KIF22: variants seen among roughly 807,000 people sequenced by gnomAD.
The protein encoded by KIF22 is kinesin-like protein KIF22.
KIF22 carries 62 observed loss-of-function variants against 73.0 expected under a neutral mutation model. The observed-to-expected ratio is 0.85, with a 90% CI of 0.69 to 1.05. The LOEUF (loss-of-function observed/expected upper bound fraction) is 1.05. Ranked by LOEUF, KIF22 falls within the 50% of genes least tolerant of loss-of-function variation. KIF22 has a pLI of 0.00. For missense variants in KIF22, 854 were observed against 870.1 expected (o/e 0.98, Z 0.23); for synonymous variants, 411 against 340.1 (o/e 1.21, Z -2.29).
intron 10 of KIF22, 42 bp from the exon 11 acceptor site, chr16:29,803,956 G>C: frequency 6.6e-7 from 1 of 1,504,460 alleles, no homozygotes; most frequent in Non-Finnish European, 9.3e-7. Flanking sequence ...AGGGTGAAAA[G>C]TACCCTTTGC....
At chr16:29,796,268 C>A (rs1199555756) in intron 1 of KIF22, among the ~76,000 whole-genome samples, 509 of 99,384 alleles carry the variant, frequency 5.1e-3, no homozygotes, top group East Asian at 8.5e-3. Context: ...AAGACTGTCT[C>A]AAAAAAAAAA....
intron 1 of KIF22, 72 bp downstream of exon 1, chr16:29,790,901 G>A: frequency 1.9e-6 from 3 of 1,544,700 alleles, no homozygotes; most frequent in African/African-American, 1.4e-5. Flanking sequence ...GTCGGAGTGT[G>A]GTCCAGGCTC....
Position 29,797,037 on chromosome 16 carries a change from G to C in KIF22, c.215G>C (p.Cys72Ser), listed in dbSNP as rs765731818. ...DPPCVRGMDS[C>S]SLEIANWRNH... The stretch of plus-strand genomic sequence containing the variant: ...CCCTGTGTGCGGGGCATGGACAGCT[G>C]CTCTCTAGAGATTGCTAACTGGAGG... Residue 72 changes from cysteine (C) to serine (S), a missense_variant, in exon 2 of 14, where the codon TGC becomes TCC. Transcript: ENST00000160827. This position sits in a 1 kb window ranked among gnomAD's most constrained non-coding sequence, Gnocchi z 4.1. 6.2e-7 allele frequency: 1 copy of C among 1,610,398 alleles called. No individual in the cohort carries two copies. Among genetic ancestry groups the C allele is most frequent in the African/African-American group, 1.3e-5 (1 of 74,938 alleles).
At chr16:29,805,225 T>A (rs1485748872) in intron 13 of KIF22, 38 bp from the exon 14 acceptor site, 1 of 1,613,902 alleles carries the variant, frequency 6.2e-7, no homozygotes, top group South Asian at 1.1e-5. Flanking sequence ...CCCGCGCCCC[T>A]CTCTAACGTC....
At chr16:29,795,119 G>A (rs979371886) in intron 1 of KIF22, among the ~76,000 whole-genome samples, 2 of 152,188 alleles carry the variant, frequency 1.3e-5, no homozygotes, top group African/African-American at 4.8e-5. Flanking sequence ...AGCAGGCAGA[G>A]GAAGGTCCTG....
Position 29,799,956 on chromosome 16 carries a change from A to C in KIF22, c.1188A>C (p.Pro396=), listed in dbSNP as rs1899079946. Residue 396 remains proline, a synonymous_variant, in exon 8 of 14, where the codon CCA becomes CCC. Coordinates refer to ENST00000160827, the MANE Select transcript of KIF22 (RefSeq NM_007317.3). Reference sequence around the variant, plus strand: ...TGTCTCAGAAAGAATTGCTTGGTCCACCAGAGGCAAAGAGAGCCCGAGGCC... The same window carrying C: ...TGTCTCAGAAAGAATTGCTTGGTCCCCCAGAGGCAAAGAGAGCCCGAGGCC... ...VKLSQKELLG[P]PEAKRARGPE... is the part of the protein sequence containing the mutation. 1 of 1,614,180 alleles carries C rather than the reference A, an allele frequency of 6.2e-7. No individual in the cohort carries two copies. The highest frequency in any genetic ancestry group is 2.2e-5 in the East Asian group (1 of 44,888).
chr16:29,791,697 T>C (rs566542355), intron 1 of KIF22, among the ~76,000 whole-genome samples: 8 of 152,366 alleles, frequency 5.3e-5, no homozygotes, highest in African/African-American at 1.9e-4. Flanking sequence ...ACTATTACTG[T>C]CTTTGTTTTA....
chr16:29,798,398 G>A lies in KIF22; in HGVS notation c.291G>A (p.Arg97=). Residue 97 remains arginine, a synonymous_variant, in exon 3 of 14, where the codon AGG becomes AGA. Transcript: ENST00000160827. This position sits in a 1 kb window ranked among gnomAD's most constrained non-coding sequence, Gnocchi z 4.1. ...GGTTTGATGCCTTCTATGGGGAGAG[G>A]AGTACTCAGCAGGACATCTATGCAG... is the stretch of plus-strand genomic sequence containing the variant. The part of the protein sequence containing the change: ...KYQFDAFYGE[R]STQQDIYAGS... 1 of 1,557,670 alleles carries A rather than the reference G, an allele frequency of 6.4e-7. No homozygotes were observed. The highest frequency in any genetic ancestry group is 8.7e-7 in the Non-Finnish European group (1 of 1,143,144).
intron 1 of KIF22, among the ~76,000 whole-genome samples, chr16:29,793,269 T>C (rs1219746566): frequency 9.9e-5 from 15 of 152,158 alleles, no homozygotes; most frequent in Admixed American, 9.8e-4. Flanking sequence ...GGTGAAACCC[T>C]GTCTCTAAAA....
chr16:29,803,296 T>C (rs1899205457), intron 9 of KIF22, 153 bp from the exon 10 acceptor site: 2 of 835,764 alleles, frequency 2.4e-6, no homozygotes, highest in African/African-American at 3.4e-5. Flanking sequence ...CCCTTAATTA[T>C]GTTAGGCTCC....
chr16:29,793,818 G>C (rs1898883780), intron 1 of KIF22, among the ~76,000 whole-genome samples: 1 of 152,164 alleles, frequency 6.6e-6, no homozygotes, highest in Non-Finnish European at 1.5e-5. Context: ...AGGATGAGGA[G>C]TGAACAGAAA....
chr16:29,790,775 T>C lies in KIF22; in HGVS notation c.16T>C (p.Ser6Pro). 1.3e-6 allele frequency: 2 copies of C among 1,599,258 alleles called. No homozygotes were observed. Among genetic ancestry groups the C allele is most frequent in the Middle Eastern group, 1.7e-4 (1 of 6,006 alleles). The stretch of plus-strand genomic sequence containing the variant: ...AGGGAGTGGAATGGCCGCGGGCGGC[T>C]CGACGCAGCAGAGGCGACGCGAGAT... MAAGG[S>P]TQQRRREMAA... The change falls in exon 1 of 14, where the codon TCG becomes CCG. Residue 6 changes from serine to proline, a missense_variant. Transcript: ENST00000160827.
In KIF22 at chr16:29,805,287, G is replaced by A. The variant is rs774254625; in HGVS notation, c.1975G>A (p.Gly659Ser). 1 of 1,613,776 alleles carries A rather than the reference G, an allele frequency of 6.2e-7. No homozygotes were observed. The highest frequency in any genetic ancestry group is 1.1e-5 in the South Asian group (1 of 91,088). Reference protein sequence around the residue: ...LKANILGLAAGQRCGAS With the variant: ...LKANILGLAASQRCGAS Reference sequence around the variant, plus strand: ...GGCAAACATCCTGGGTCTCGCCGCCGGCCAGCGCTGTGGCGCCTCCTGACC... The same window carrying A: ...GGCAAACATCCTGGGTCTCGCCGCCAGCCAGCGCTGTGGCGCCTCCTGACC... Residue 659 changes from glycine to serine, a missense_variant, in exon 14 of 14, where the codon GGC (glycine) becomes AGC (serine). Coordinates refer to ENST00000160827, the MANE Select transcript of KIF22 (RefSeq NM_007317.3).
rs776995863 is a variant in KIF22, at chr16:29,797,022, G to A, written c.200G>A (p.Arg67Gln). ...TAGASDPPCV[R>Q]GMDSCSLEIA... ...GGAGCAAGTGATCCCCCCTGTGTGC[G>A]GGGCATGGACAGCTGCTCTCTAGAG... The change falls in exon 2 of 14, where the codon CGG becomes CAG. Residue 67 changes from arginine to glutamine, a missense_variant. By Grantham distance (43) the Arg-to-Gln change is conservative. Transcript: ENST00000160827. The surrounding 1 kb of genome is among the most constrained non-coding windows in gnomAD (Gnocchi z 4.1). 1.6e-5 allele frequency: 26 copies of A among 1,613,432 alleles called. No individual in the cohort carries two copies. Among genetic ancestry groups the A allele is most frequent in the Middle Eastern group, 1.6e-4 (1 of 6,080 alleles).
Position 29,799,508 on chromosome 16 carries a change from G to A in KIF22, c.990+14G>A, listed in dbSNP as rs376365612. ...CGCCTATTGCAGGTCAGGCCCACCT[G>A]TCTCAGGGAAGAAGGGGCTGCAGAA... On this transcript the variant is annotated intron_variant, in intron 6 of 13. Transcript: ENST00000160827. The A allele has an allele frequency of 1.1e-5, 18 of 1,613,724 alleles. No individual in the cohort carries two copies. The highest frequency in any genetic ancestry group is 1.5e-5 in the Non-Finnish European group (18 of 1,179,654).
In KIF22 at chr16:29,798,344, A is replaced by G. The variant is rs1567358174; in HGVS notation, c.267-30A>G. On this transcript the variant is annotated intron_variant, in intron 2 of 13. Transcript: ENST00000160827. This position sits in a 1 kb window ranked among gnomAD's most constrained non-coding sequence, Gnocchi z 4.1. ...CACACACACACACACACACACACACACACGCTAATTTCTTTCTTTCTTCCT... is the reference window on the plus strand; with the variant it reads ...CACACACACACACACACACACACACGCACGCTAATTTCTTTCTTTCTTCCT... The G allele has an allele frequency of 7.3e-6, 10 of 1,379,242 alleles. No individual in the cohort carries two copies. In the South Asian group the frequency reaches 8.2e-5, roughly 11 times the overall value. 85.4% of individuals were successfully genotyped at this position (1,379,242 alleles called of 1,614,324 possible).
rs763634593 is a variant in KIF22, at chr16:29,803,565, G to A, written c.1566G>A (p.Gly522=). 7.4e-6 allele frequency: 12 copies of A among 1,613,302 alleles called. No individual in the cohort carries two copies. The highest frequency in any genetic ancestry group is 1.3e-5 in the African/African-American group (1 of 75,044). Residue 522 remains glycine (G), a synonymous_variant, in exon 10 of 14, where the codon GGG becomes GGA. Transcript: ENST00000160827. ...CCCTTTCACATCGCACAGTCACAGG[G>A]GCAAAGCCCCTGAAAAAGGCTGTGG... The part of the protein sequence containing the change: ...LRPLSHRTVT[G]AKPLKKAVVM...
chr16:29,799,854 T>C, intron 7 of KIF22, 59 bp from the exon 8 acceptor site: 1 of 1,612,570 alleles, frequency 6.2e-7, no homozygotes, highest in Non-Finnish European at 8.5e-7. Context: ...CCACCAAGCA[T>C]CAGCACAGAG....
Position 29,802,830 on chromosome 16 carries a change from C to A in KIF22, c.1342C>A (p.Arg448Ser), listed in dbSNP as rs759881029. 4.3e-6 allele frequency: 7 copies of A among 1,611,180 alleles called. No individual in the cohort carries two copies. Among genetic ancestry groups the A allele is most frequent in the Non-Finnish European group, 5.9e-6 (7 of 1,178,946 alleles). Reference sequence around the variant, plus strand: ...GCTGGAGCGCCTCCTCAGCTTGGACCGTCTGCTTGCCTCCCAGGGGAGCCA... The same window carrying A: ...GCTGGAGCGCCTCCTCAGCTTGGACAGTCTGCTTGCCTCCCAGGGGAGCCA... ...AMLERLLSLD[R>S]LLASQGSQGA... is the part of the protein sequence containing the mutation. The change falls in exon 9 of 14, where the codon CGT (arginine) becomes AGT (serine). Residue 448 changes from arginine (R) to serine (S), a missense_variant. By Grantham distance (110) the Arg-to-Ser change is moderately radical. Transcript: ENST00000160827.
Sources: allele counts gnomAD v4.1 joint callset (sites outside exome capture counted in the v4.1 genomes callset), GRCh38; gene constraint gnomAD v4.1.1; non-coding constraint Gnocchi (gnomAD v3.1); transcripts MANE v1.5; gene names NCBI Gene and HGNC (gene_info 2026-07-23, HGNC 2026-07-21).